Variants in DKK2 observed in about 807,000 individuals in gnomAD.
DKK2 encodes dickkopf-related protein 2.
DKK2 carries 11 observed loss-of-function variants against 28.1 expected under a neutral mutation model. The ratio of observed to expected loss-of-function variants is 0.39; its 90% confidence interval spans 0.25 to 0.65. The LOEUF (loss-of-function observed/expected upper bound fraction) is 0.65. Ranked by LOEUF, DKK2 falls within the 30% of genes least tolerant of loss-of-function variation. The pLI, the probability that DKK2 is intolerant of heterozygous loss-of-function variation, is 0.47. For synonymous variants in DKK2, 135 were observed against 126.5 expected (o/e 1.07, Z -0.45); for missense variants, 326 against 335.5 (o/e 0.97, Z 0.22).
chr4:106,947,267 G>A (rs1231677838), intron 1 of DKK2, among the ~76,000 whole-genome samples: 1 of 152,076 alleles, frequency 6.6e-6, no homozygotes, highest in Non-Finnish European at 1.5e-5. Context: ...ACATCCTGGA[G>A]GTGTGACATC....
At chr4:106,946,430 A>T (rs1724776540) in intron 1 of DKK2, among the ~76,000 whole-genome samples, 1 of 152,152 alleles carries the variant, frequency 6.6e-6, no homozygotes, top group Admixed American at 6.6e-5. Context: ...CCATGAGTTA[A>T]AAATTGTTGA....
intron 1 of DKK2, among the ~76,000 whole-genome samples, chr4:106,965,386 G>A (rs1403074350): frequency 1.3e-5 from 2 of 152,188 alleles, no homozygotes; most frequent in African/African-American, 2.4e-5. Context: ...GCAGGAATAA[G>A]TTTCTCAAGA....
At chr4:106,984,753 A>C (rs1457861538) in intron 1 of DKK2, among the ~76,000 whole-genome samples, 1 of 152,242 alleles carries the variant, frequency 6.6e-6, no homozygotes, top group African/African-American at 2.4e-5. Flanking sequence ...CTAGCCAAAA[A>C]CTGAAAACAA....
intron 1 of DKK2, among the ~76,000 whole-genome samples, chr4:107,003,012 G>T (rs1723384962): frequency 6.6e-6 from 1 of 152,248 alleles, no homozygotes; most frequent in South Asian, 2.1e-4. Flanking sequence ...ACCTACTAAA[G>T]GATTATGAGT....
chr4:107,006,629 G>C (rs1723441851), intron 1 of DKK2, among the ~76,000 whole-genome samples: 1 of 152,068 alleles, frequency 6.6e-6, no homozygotes, highest in African/African-American at 2.4e-5. Context: ...GAGTGCAGGT[G>C]GTTTCCACTT....
At chr4:106,937,687 C>A (rs1470552112) in intron 1 of DKK2, among the ~76,000 whole-genome samples, 8 of 146,416 alleles carry the variant, frequency 5.5e-5, no homozygotes, top group Non-Finnish European at 1.2e-4. Context: ...CCACACCACA[C>A]CTATTCCAAA....
chr4:107,003,543 A>T (rs1265579640), intron 1 of DKK2, among the ~76,000 whole-genome samples: 2 of 152,230 alleles, frequency 1.3e-5, no homozygotes, highest in African/African-American at 4.8e-5. Flanking sequence ...CTAACCAAAG[A>T]TCAGTAGCAC....
Position 106,923,348 on chromosome 4 carries a change from T to C in DKK2, c.*606A>G, listed in dbSNP as rs1410304601. On this transcript the variant is annotated 3_prime_UTR_variant, in exon 4 of 4. Transcript: ENST00000285311. ...AAAGGCCTTCCTAAACAACTGGCCATTATTTTGCAATTATTTGGAAATATT... is the reference window on the plus strand; with the variant it reads ...AAAGGCCTTCCTAAACAACTGGCCACTATTTTGCAATTATTTGGAAATATT... 6.6e-6 allele frequency: 1 copy of C among 152,250 alleles called. No individual in the cohort carries two copies. Among genetic ancestry groups the C allele is most frequent in the Admixed American group, 6.5e-5 (1 of 15,268 alleles). 9.4% of individuals were successfully genotyped at this position (152,250 alleles called of 1,614,324 possible).
Position 106,922,044 on chromosome 4 carries a change from G to A in DKK2, c.*1910C>T, listed in dbSNP as rs2110337952. On this transcript the variant is annotated 3_prime_UTR_variant, in exon 4 of 4. Coordinates refer to ENST00000285311, the MANE Select transcript of DKK2 (RefSeq NM_014421.3). ...TTGTAAATATAATAATTGTTATATAGGAAATGTTTGATTGAAATGTTCCAT... is the reference window on the plus strand; with the variant it reads ...TTGTAAATATAATAATTGTTATATAAGAAATGTTTGATTGAAATGTTCCAT... 6.6e-6 allele frequency: 1 copy of A among 152,634 alleles called. No individual in the cohort carries two copies. Among genetic ancestry groups the A allele is most frequent in the Admixed American group, 6.6e-5 (1 of 15,256 alleles). The allele number at this position is 152,634 out of a possible 1,614,324, so 9.5% of individuals were successfully genotyped here.
chr4:107,034,194 C>T (rs1578386332), intron 1 of DKK2, among the ~76,000 whole-genome samples: 1 of 152,206 alleles, frequency 6.6e-6, no homozygotes, highest in East Asian at 1.9e-4. Flanking sequence ...AACCTTCAGC[C>T]GGCTGGCTGC....
chr4:107,022,297 A>G (rs1240165837), intron 1 of DKK2, among the ~76,000 whole-genome samples: 23 of 152,130 alleles, frequency 1.5e-4, no homozygotes, highest in Admixed American at 1.5e-3. Flanking sequence ...GACTGTGATC[A>G]TAGCATCTAA....
chr4:106,932,530 C>G (rs1382721975), intron 1 of DKK2, among the ~76,000 whole-genome samples: 1 of 152,212 alleles, frequency 6.6e-6, no homozygotes, highest in South Asian at 2.1e-4. Context: ...ATGGTCTCAG[C>G]TCCTAGAGAT....
intron 1 of DKK2, among the ~76,000 whole-genome samples, chr4:106,978,707 A>G (rs1722980105): frequency 6.6e-6 from 1 of 151,882 alleles, no homozygotes; most frequent in Admixed American, 6.6e-5. Flanking sequence ...GAGCTAGACC[A>G]TTTGGCTCCC....
At chr4:106,940,909 G>A (rs553134726) in intron 1 of DKK2, among the ~76,000 whole-genome samples, 93 of 152,046 alleles carry the variant, frequency 6.1e-4, no homozygotes, top group African/African-American at 2.1e-3. Context: ...ATTGAACAAT[G>A]AGATCACATG....
At chr4:107,017,276 T>C (rs1310709856) in intron 1 of DKK2, among the ~76,000 whole-genome samples, 1 of 152,036 alleles carries the variant, frequency 6.6e-6, no homozygotes, top group Admixed American at 6.6e-5. Flanking sequence ...TGGCAAAGGT[T>C]GAAGTTATCT....
At chr4:106,965,466 A>G (rs1338314613) in intron 1 of DKK2, among the ~76,000 whole-genome samples, 1 of 152,128 alleles carries the variant, frequency 6.6e-6, no homozygotes, top group Non-Finnish European at 1.5e-5. Flanking sequence ...TATCACCAAA[A>G]ATAAAATTTT....
intron 1 of DKK2, among the ~76,000 whole-genome samples, chr4:106,971,496 G>C (rs572890050): frequency 5.3e-5 from 8 of 152,166 alleles, no homozygotes; most frequent in Admixed American, 2.6e-4. Flanking sequence ...CCAAAGACAT[G>C]TACACAACTA....
intron 1 of DKK2, among the ~76,000 whole-genome samples, chr4:107,005,356 A>AC (rs1250394629): frequency 3.6e-4 from 55 of 150,740 alleles, no homozygotes; most frequent in Admixed American, 1.4e-3. Context: ...AAAAAAAAAA[A>AC]AAAAACAAAA....
chr4:106,953,267 C>T (rs1321194962), intron 1 of DKK2, among the ~76,000 whole-genome samples: 1 of 152,138 alleles, frequency 6.6e-6, no homozygotes, highest in African/African-American at 2.4e-5. Context: ...AGTGCTGGCC[C>T]TCCCTATCAC....
Sources: allele counts gnomAD v4.1 joint callset (sites outside exome capture counted in the v4.1 genomes callset), GRCh38; gene constraint gnomAD v4.1.1; transcripts MANE v1.5; gene names NCBI Gene and HGNC (gene_info 2026-07-23, HGNC 2026-07-21).